UPF1: variants seen among roughly 807,000 people sequenced by gnomAD.
The protein encoded by UPF1 is UPF1 RNA helicase and ATPase.
UPF1 carries 9 observed loss-of-function variants against 129.2 expected under a neutral mutation model. That is an observed-to-expected ratio of 0.07 (90% confidence interval 0.04 to 0.12). The LOEUF (loss-of-function observed/expected upper bound fraction) is 0.12. Ranked by LOEUF, UPF1 falls within the 10% of genes least tolerant of loss-of-function variation. UPF1 has a pLI of 1.00. For synonymous variants in UPF1, 649 were observed against 644.9 expected (o/e 1.01, Z -0.10); for missense variants, 788 against 1,525.3 (o/e 0.52, Z 8.05).
At chr19:18,834,819 A>C (rs995220662) in intron 1 of UPF1, among the ~76,000 whole-genome samples, 1 of 152,220 alleles carries the variant, frequency 6.6e-6, no homozygotes. Flanking sequence ...TTGGCCGTGT[A>C]ACCAGCTGTT....
intron 2 of UPF1, 88 bp downstream of exon 2, chr19:18,846,207 G>A (rs1052291147): frequency 6.4e-7 from 1 of 1,565,526 alleles, no homozygotes; most frequent in Non-Finnish European, 8.7e-7. Context: ...CCAGGTACAG[G>A]GTGGCGCCCT....
chr19:18,852,375 T>G, intron 6 of UPF1, 79 bp downstream of exon 6: 1 of 1,570,764 alleles, frequency 6.4e-7, no homozygotes, highest in South Asian at 1.2e-5. Context: ...GAGGGAGGTT[T>G]TCTCTCCAGG....
Position 18,856,280 on chromosome 19 carries a change from G to A in UPF1, c.1804G>A (p.Ala602Thr), listed in dbSNP as rs1334288478. ...EKRYRALKRT[A>T]ERELLMNADV... is the part of the protein sequence containing the mutation. ...GCGGTACCGGGCCTTGAAGCGCACC[G>A]CAGAGAGAGAGCTGCTGATGGTGAG... is the stretch of plus-strand genomic sequence containing the variant. The change falls in exon 13 of 24, where the codon GCA (alanine) becomes ACA (threonine). Residue 602 changes from alanine (A) to threonine (T), a missense_variant. Ala to Thr is a moderately conservative substitution (Grantham distance 58, BLOSUM62 0). Coordinates refer to ENST00000262803, the MANE Select transcript of UPF1 (RefSeq NM_002911.4). 3 of 1,597,208 alleles carry A rather than the reference G, an allele frequency of 1.9e-6. No individual in the cohort carries two copies. Among genetic ancestry groups the A allele is most frequent in the Non-Finnish European group, 2.6e-6 (3 of 1,166,162 alleles).
chr19:18,861,300 C>G (rs1456097937), intron 17 of UPF1, among the ~76,000 whole-genome samples: 1 of 152,208 alleles, frequency 6.6e-6, no homozygotes. Flanking sequence ...CTGTGCCTGC[C>G]ACACACTGGA....
At chr19:18,863,414 C>T (rs2055803389) in intron 18 of UPF1, 24 bp from the exon 19 acceptor site, 1 of 1,606,772 alleles carries the variant, frequency 6.2e-7, no homozygotes, top group Non-Finnish European at 8.5e-7. Context: ...CACCTGCGTC[C>T]TCAGCACTGC....
chr19:18,854,977 T>C lies in UPF1; in HGVS notation c.1364T>C (p.Ile455Thr). The change falls in exon 10 of 24, where the codon ATC becomes ACC. Residue 455 changes from isoleucine to threonine, a missense_variant. This residue lies in a region of UPF1 where 227 missense variants were observed against 517.9 expected (regional missense o/e 0.44). Transcript: ENST00000262803. ...LLGHEVEDVIIKCQLPKRFTA... is the reference protein window; with the variant it reads ...LLGHEVEDVITKCQLPKRFTA... ...GGCCACGAGGTGGAGGACGTAATCA[T>C]CAAGTGCCAGCTGCCCAAGCGCTTC... The C allele has an allele frequency of 6.2e-7, 1 of 1,614,190 alleles. No homozygotes were observed. The highest frequency in any genetic ancestry group is 8.5e-7 in the Non-Finnish European group (1 of 1,180,052).
chr19:18,847,740 T>C lies in UPF1; in HGVS notation c.372-4T>C, dbSNP rs2055616036. 6.2e-7 allele frequency: 1 copy of C among 1,613,136 alleles called. No homozygotes were observed. Among genetic ancestry groups the C allele is most frequent in the African/African-American group, 1.3e-5 (1 of 74,928 alleles). ...CTGTAACTGTCGCTGTTTTGATTTT[T>C]TAGTTACTGTGGAATACACGATCCT... On this transcript the variant is annotated splice_polypyrimidine_tract_variant and splice_region_variant and intron_variant, in intron 2 of 23. Coordinates refer to ENST00000262803, the MANE Select transcript of UPF1 (RefSeq NM_002911.4).
At chr19:18,849,979 G>A (rs757348729) in intron 3 of UPF1, 96 bp from the exon 4 acceptor site, 119 of 1,506,218 alleles carry the variant, frequency 7.9e-5, no homozygotes, top group Middle Eastern at 1.7e-4. Context: ...CTAATGGACC[G>A]TGAACGGTAC....
intron 11 of UPF1, chr19:18,855,494 G>A (rs1339052842): frequency 5.2e-6 from 3 of 581,050 alleles, no homozygotes; most frequent in Non-Finnish European, 9.2e-6. Flanking sequence ...GCAGCAGCGT[G>A]AGTTCCGTGT....
At chr19:18,836,514 A>G (rs1428422944) in intron 1 of UPF1, among the ~76,000 whole-genome samples, 2 of 152,242 alleles carry the variant, frequency 1.3e-5, no homozygotes, top group African/African-American at 4.8e-5. Flanking sequence ...AAAGCAGACC[A>G]GTGGTGGCTG....
chr19:18,865,520 C>G lies in UPF1; in HGVS notation c.3020-41C>G. 6.2e-7 allele frequency: 1 copy of G among 1,613,160 alleles called. No individual in the cohort carries two copies. The highest frequency in any genetic ancestry group is 8.5e-7 in the Non-Finnish European group (1 of 1,179,504). The stretch of plus-strand genomic sequence containing the variant: ...CTTGAGGGTGTGCTTGTCTGCGAGG[C>G]CCTGGCCTCCTTCGGATCACCCTGG... On this transcript the variant is annotated intron_variant, in intron 21 of 23. Coordinates refer to ENST00000262803, the MANE Select transcript of UPF1 (RefSeq NM_002911.4). This position sits in a 1 kb window ranked among gnomAD's most constrained non-coding sequence, Gnocchi z 6.1.
At chr19:18,841,630 T>G (rs2055542189) in intron 1 of UPF1, among the ~76,000 whole-genome samples, 1 of 152,200 alleles carries the variant, frequency 6.6e-6, no homozygotes, top group Non-Finnish European at 1.5e-5. Context: ...CTGTGAGGTG[T>G]GCACCTTCTG....
Position 18,864,733 on chromosome 19 carries a change from G to GTTTTTTT in UPF1, c.2857+499_2857+505dup, listed in dbSNP as rs10682791. Among the ~76,000 whole-genome samples the GTTTTTTT allele has an allele frequency of 1.8e-4, 13 of 73,546 alleles. 1 individual carries two copies. The highest frequency in any genetic ancestry group is 4.6e-4 in the African/African-American group (8 of 17,436). The allele number at this position is 73,546 out of a possible 152,430, so 48.2% of individuals were successfully genotyped here. On this transcript the variant is annotated intron_variant, in intron 20 of 23. Transcript: ENST00000262803. ...CACTGCACCTGGCCAATTTGCAGGT[G>GTTTTTTT]TTTTTTTTTTTTTTTTTTTTTTTGG...
chr19:18,849,966 C>A, intron 3 of UPF1, 109 bp from the exon 4 acceptor site: 1 of 1,409,314 alleles, frequency 7.1e-7, no homozygotes, highest in Non-Finnish European at 9.8e-7. Flanking sequence ...GTGACTGCCT[C>A]TGCTAATGGA....
chr19:18,863,657 G>C (rs755179875), intron 19 of UPF1, 45 bp downstream of exon 19: 1 of 1,572,836 alleles, frequency 6.4e-7, no homozygotes, highest in East Asian at 2.3e-5. Context: ...AGAAACCCGG[G>C]CCCAAAACAC....
Position 18,852,609 on chromosome 19 carries a change from C to T in UPF1, c.972+313C>T, listed in dbSNP as rs16995755. Among the ~76,000 whole-genome samples the T allele has an allele frequency of 4.1e-3, 625 of 152,126 alleles. 7 individuals carry two copies. Among genetic ancestry groups the T allele is most frequent in the African/African-American group, 0.014 (595 of 41,446 alleles). Reference sequence around the variant, plus strand: ...CCCTGTGAAGACCACATTTAGGCAACGGGAGCCCTGGAGCGCTGACCTCCC... The same window carrying T: ...CCCTGTGAAGACCACATTTAGGCAATGGGAGCCCTGGAGCGCTGACCTCCC... On this transcript the variant is annotated intron_variant, in intron 6 of 23. Transcript: ENST00000262803.
At position 18,862,144 on chromosome 19, in the gene UPF1, C is replaced by T; in HGVS notation, c.2592C>T (p.Thr864=). 1 of 1,613,816 alleles carries T rather than the reference C, an allele frequency of 6.2e-7. No homozygotes were observed. Among genetic ancestry groups the T allele is most frequent in the Non-Finnish European group, 8.5e-7 (1 of 1,179,970 alleles). The change falls in exon 18 of 24, where the codon ACC becomes ACT. Residue 864 remains threonine (T), a synonymous_variant. Transcript: ENST00000262803. Reference sequence around the variant, plus strand: ...CCAGGCGTCTGAACGTGGCCCTGACCAGAGCAAGGTAGGGAGGCTGCCTGC... The same window carrying T: ...CCAGGCGTCTGAACGTGGCCCTGACTAGAGCAAGGTAGGGAGGCTGCCTGC... The part of the protein sequence containing the change: ...NDPRRLNVAL[T]RARYGVIIVG...
rs1169884617 is a variant in UPF1, at chr19:18,856,075, C to T, written c.1695C>T (p.Ile565=). 6.2e-7 allele frequency: 1 copy of T among 1,613,990 alleles called. No individual in the cohort carries two copies. The highest frequency in any genetic ancestry group is 8.5e-7 in the Non-Finnish European group (1 of 1,179,990). The part of the protein sequence containing the change: ...PVSFLALHNQ[I]RNMDSMPELQ... ...CTTTTCTGGCCCTGCACAACCAGAT[C>T]AGGAACATGGACAGGTGTGTGTCGA... is the stretch of plus-strand genomic sequence containing the variant. The change falls in exon 12 of 24, where the codon ATC becomes ATT. Residue 565 remains isoleucine (I), a synonymous_variant. Coordinates refer to ENST00000262803, the MANE Select transcript of UPF1 (RefSeq NM_002911.4).
Position 18,846,039 on chromosome 19 carries a change from C to A in UPF1, c.291C>A (p.Ser97Arg). 6.2e-7 allele frequency: 1 copy of A among 1,614,150 alleles called. No individual in the cohort carries two copies. Among genetic ancestry groups the A allele is most frequent in the Non-Finnish European group, 8.5e-7 (1 of 1,180,032 alleles). ...TGGACGACAGTGTAGCCAAGACCAG[C>A]CAGTTGTTGGCTGAGTTGAACTTCG... is the stretch of plus-strand genomic sequence containing the variant. The part of the protein sequence containing the change: ...GAVDDSVAKT[S>R]QLLAELNFEE... Residue 97 changes from serine to arginine, a missense_variant, in exon 2 of 24, where the codon AGC (serine) becomes AGA (arginine). By Grantham distance (110) the Ser-to-Arg change is moderately radical. This residue lies in a region of UPF1 where 227 missense variants were observed against 517.9 expected (regional missense o/e 0.44). Coordinates refer to ENST00000262803, the MANE Select transcript of UPF1 (RefSeq NM_002911.4).
Sources: gnomAD v4.1 joint callset for allele counts (sites outside exome capture counted in the v4.1 genomes callset) on GRCh38, gnomAD v4.1.1 for gene constraint, gnomAD v4.1.1 regional missense constraint, Gnocchi (gnomAD v3.1) non-coding constraint, MANE v1.5 for transcripts, NCBI Gene and HGNC (gene_info 2026-07-23, HGNC 2026-07-21) for gene names.